The following ZC3H6 variants were observed in gnomAD, a reference collection of about 807,000 sequenced individuals.
ZC3H6 encodes the protein zinc finger CCCH-type containing 6, also known as zinc finger CCCH domain-containing protein 6.
Under a neutral mutation model 107.7 loss-of-function variants are expected in ZC3H6, and 40 were observed. The observed-to-expected ratio is 0.37, with a 90% CI of 0.29 to 0.48. ZC3H6 has a LOEUF of 0.48. Ranked by LOEUF, ZC3H6 falls within the 20% of genes least tolerant of loss-of-function variation. The probability of loss-of-function intolerance (pLI) is 0.98; values close to 1 mark genes in which losing one functional copy is unlikely to be tolerated. For missense variants in ZC3H6, 1,267 were observed against 1,410.4 expected, an observed-to-expected ratio of 0.90 and a Z score of 1.63; for synonymous variants, 493 against 487.9, an observed-to-expected ratio of 1.01 and a Z score of -0.14.
chr2:112,323,348 A>G (rs1022745842), intron 9 of ZC3H6, among the ~76,000 whole-genome samples: 1 of 152,158 alleles, frequency 6.6e-6, no homozygotes, highest in Non-Finnish European at 1.5e-5. Context: ...CCAGTCCCCA[A>G]GCGTCTGTGC....
chr2:112,294,844 A>G (rs1384250426), intron 1 of ZC3H6, among the ~76,000 whole-genome samples: 1 of 152,194 alleles, frequency 6.6e-6, no homozygotes, highest in Non-Finnish European at 1.5e-5. Context: ...TTGAATTTTT[A>G]TACCATAGGG....
intron 1 of ZC3H6, among the ~76,000 whole-genome samples, chr2:112,289,938 A>G (rs1470697875): frequency 6.6e-6 from 1 of 151,944 alleles, no homozygotes; most frequent in Non-Finnish European, 1.5e-5. Flanking sequence ...ACGGGGTTTT[A>G]CCGTGTTGCC....
rs1573941180 is a variant in ZC3H6 at position 112,275,970 on chromosome 2, A to G, written c.-25A>G. The G allele has an allele frequency of 3.3e-6, 5 of 1,525,844 alleles. No homozygotes were observed. Among genetic ancestry groups the G allele is most frequent in the Non-Finnish European group, 4.4e-6 (5 of 1,136,146 alleles). The allele number at this position is 1,525,844 out of a possible 1,614,324, so 94.5% of individuals were successfully genotyped here. On this transcript the variant is annotated 5_prime_UTR_variant, in exon 1 of 12. Coordinates refer to ENST00000409871, the MANE Select transcript of ZC3H6 (RefSeq NM_198581.3). ...CGCCGGCCTCGCAGACCTGCCCTCC[A>G]GCCCCGCCCCGTTCTTGACCAAACA...
intron 1 of ZC3H6, among the ~76,000 whole-genome samples, chr2:112,299,629 T>C (rs551783277): frequency 6.6e-6 from 1 of 152,340 alleles, no homozygotes; most frequent in South Asian, 2.1e-4. Context: ...GTTCTTACAT[T>C]CTTAAAGGAA....
At chr2:112,286,089 T>G (rs546881582) in intron 1 of ZC3H6, 2 of 303,414 alleles carry the variant, frequency 6.6e-6, no homozygotes, top group African/African-American at 4.5e-5. Context: ...GGACCCAATT[T>G]TCCTTCCCAG....
chr2:112,302,330 A>C lies in ZC3H6; in HGVS notation c.214-899A>C, dbSNP rs749659706. ...CAAAGACAAAAGCAATAAAATCATA[A>C]AAACCAAACTCCAGACCATTTAGGA... On this transcript the variant is annotated intron_variant, in intron 2 of 11. Coordinates refer to ENST00000409871, the MANE Select transcript of ZC3H6 (RefSeq NM_198581.3). 3.4e-4 allele frequency among the ~76,000 whole-genome samples: 51 copies of C among 152,168 alleles called. 3 individuals are homozygous for C. Among genetic ancestry groups the C allele is most frequent in the Non-Finnish European group, 1.5e-4 (10 of 68,006 alleles).
chr2:112,280,560 T>C (rs1686508421), intron 1 of ZC3H6, among the ~76,000 whole-genome samples: 1 of 152,130 alleles, frequency 6.6e-6, no homozygotes, highest in South Asian at 2.1e-4. Context: ...CTCTCTGGGA[T>C]CTTATAATCT....
chr2:112,327,678 A>T (rs1234488210), intron 11 of ZC3H6, among the ~76,000 whole-genome samples: 1 of 152,064 alleles, frequency 6.6e-6, no homozygotes, highest in African/African-American at 2.4e-5. Context: ...TTTTGATTTG[A>T]TTTTTGTGTA....
Position 112,321,826 on chromosome 2 carries a change from T to C in ZC3H6, c.1047T>C (p.His349=). The C allele has an allele frequency of 6.5e-7, 1 of 1,542,972 alleles. No homozygotes were observed. The highest frequency in any genetic ancestry group is 1.4e-5 in the African/African-American group (1 of 72,972). ...AGGGAGACAACTGTAAATTTTCCCA[T>C]GATGATCTAACTAAAGAAACAAAGA... is the stretch of plus-strand genomic sequence containing the variant. The part of the protein sequence containing the change: ...CYQGDNCKFS[H]DDLTKETKKL... Residue 349 remains histidine, a synonymous_variant, in exon 8 of 12, where the codon CAT becomes CAC. Coordinates refer to ENST00000409871, the MANE Select transcript of ZC3H6 (RefSeq NM_198581.3).
intron 5 of ZC3H6, among the ~76,000 whole-genome samples, chr2:112,316,004 C>T (rs369430745): frequency 1.3e-5 from 2 of 152,020 alleles, no homozygotes; most frequent in South Asian, 2.1e-4. Context: ...GAGTGTTTCT[C>T]GTTTTGCTGT....
At position 112,322,673 on chromosome 2, in the gene ZC3H6, A is replaced by G. The variant is rs1433444947; in HGVS notation, c.1111A>G (p.Ile371Val). The G allele has an allele frequency of 5.6e-6, 9 of 1,608,388 alleles. No homozygotes were observed. The East Asian group carries it at 2.0e-4, about 36-fold the overall frequency. Residue 371 changes from isoleucine (I) to valine (V), a missense_variant, in exon 9 of 12, where the codon ATA (isoleucine) becomes GTA (valine). Physicochemically the swap from Ile to Val is conservative, Grantham distance 29. Coordinates refer to ENST00000409871, the MANE Select transcript of ZC3H6 (RefSeq NM_198581.3). ...DKVLNTDEEL[I>V]NEDERELEEL... ...GGTGTTGAATACTGATGAAGAACTC[A>G]TAAATGAAGATGAAAGAGAATTAGA...
intron 10 of ZC3H6, 110 bp downstream of exon 10, chr2:112,324,773 A>G (rs1409085530): frequency 8.1e-7 from 1 of 1,231,190 alleles, no homozygotes; most frequent in African/African-American, 1.5e-5. Flanking sequence ...TAAAATTGAT[A>G]AGATTGAAAC....
At chr2:112,284,913 A>G (rs1686579706) in intron 1 of ZC3H6, among the ~76,000 whole-genome samples, 1 of 152,036 alleles carries the variant, frequency 6.6e-6, no homozygotes, top group Non-Finnish European at 1.5e-5. Flanking sequence ...TGAGTCTGAG[A>G]AAAAAAAGGA....
chr2:112,290,637 A>C (rs1002887763), intron 1 of ZC3H6, among the ~76,000 whole-genome samples: 1 of 151,070 alleles, frequency 6.6e-6, no homozygotes, highest in African/African-American at 2.4e-5. Flanking sequence ...AATACGTGTT[A>C]AATGAATGAA....
chr2:112,280,825 A>G (rs1194020991), intron 1 of ZC3H6, among the ~76,000 whole-genome samples: 1 of 152,150 alleles, frequency 6.6e-6, no homozygotes, highest in Non-Finnish European at 1.5e-5. Flanking sequence ...GGGAATGGGG[A>G]AACGGATTAA....
At chr2:112,276,464 A>T (rs886308029) in intron 1 of ZC3H6, among the ~76,000 whole-genome samples, 3 of 152,174 alleles carry the variant, frequency 2.0e-5, no homozygotes, top group Non-Finnish European at 4.4e-5. Context: ...ACCTCTAAAA[A>T]AATAAACATT....
intron 1 of ZC3H6, among the ~76,000 whole-genome samples, chr2:112,282,719 A>G (rs1302318489): frequency 1.3e-5 from 2 of 152,256 alleles, no homozygotes; most frequent in South Asian, 2.1e-4. Flanking sequence ...TATTCTTTCA[A>G]TGTAGAATGC....
At chr2:112,302,802 A>G (rs1295284262) in intron 2 of ZC3H6, among the ~76,000 whole-genome samples, 1 of 151,844 alleles carries the variant, frequency 6.6e-6, no homozygotes, top group Non-Finnish European at 1.5e-5. Context: ...TTTTAGTTTT[A>G]GGGTACTCAT....
chr2:112,326,631 A>C (rs1276206820), intron 11 of ZC3H6, among the ~76,000 whole-genome samples: 2 of 151,852 alleles, frequency 1.3e-5, no homozygotes, highest in Non-Finnish European at 2.9e-5. Flanking sequence ...GTTTTGTTTT[A>C]AGACAGAGTC....
Sources: gnomAD v4.1 joint callset for allele counts (sites outside exome capture counted in the v4.1 genomes callset) on GRCh38, gnomAD v4.1.1 for gene constraint, MANE v1.5 for transcripts, NCBI Gene and HGNC (gene_info 2026-07-23, HGNC 2026-07-21) for gene names.